Variants in SEMA5A observed in about 807,000 individuals in gnomAD.
SEMA5A encodes semaphorin-5A.
A neutral mutation model predicts 135.5 loss-of-function variants in SEMA5A; 55 were observed. That is an observed-to-expected ratio of 0.41 (90% CI 0.33 to 0.51). The LOEUF (loss-of-function observed/expected upper bound fraction) is 0.51, where lower values mean the gene tolerates loss of function less well. Among genes scored for constraint, SEMA5A ranks in the 20% least tolerant of loss-of-function variants. SEMA5A has a pLI of 0.37. For missense variants in SEMA5A, 1,290 were observed against 1,419.9 expected (o/e 0.91, Z 1.47); for synonymous variants, 580 against 546.5 (o/e 1.06, Z -0.85).
intron 11 of SEMA5A, among the ~76,000 whole-genome samples, chr5:9,177,758 AT>A (rs1361199821): frequency 6.6e-6 from 1 of 152,188 alleles, no homozygotes; most frequent in Non-Finnish European, 1.5e-5. Flanking sequence ...GGTTATGTGG[AT>A]TTTGACTTTG....
At chr5:9,141,033 C>T (rs576210739) in intron 12 of SEMA5A, among the ~76,000 whole-genome samples, 1 of 152,302 alleles carries the variant, frequency 6.6e-6, no homozygotes, top group South Asian at 2.1e-4. Context: ...TAACATTACA[C>T]TTATCCTTTA....
At chr5:9,088,967 G>A (rs76892149) in intron 16 of SEMA5A, among the ~76,000 whole-genome samples, 1 of 152,158 alleles carries the variant, frequency 6.6e-6, no homozygotes, top group East Asian at 1.9e-4. Flanking sequence ...CCATGCTTTT[G>A]CCAGAGCTGC....
intron 3 of SEMA5A, among the ~76,000 whole-genome samples, chr5:9,346,910 G>GTGTA: frequency 7.3e-6 from 1 of 137,144 alleles, no homozygotes; most frequent in African/African-American, 2.8e-5. Flanking sequence ...GTGTGTGTGT[G>GTGTA]TGTGTATATA....
chr5:9,132,455 C>T (rs1346329409), intron 13 of SEMA5A, among the ~76,000 whole-genome samples: 1 of 152,198 alleles, frequency 6.6e-6, no homozygotes, highest in Non-Finnish European at 1.5e-5. Flanking sequence ...CTTGCCCTCC[C>T]AACTTCTTCT....
In SEMA5A at chr5:9,410,505, G is replaced by C. The variant is rs1355378517; in HGVS notation, c.-78+27251C>G. The stretch of plus-strand genomic sequence containing the variant: ...AAGCATTCAGGCTACTCTTTTCACA[G>C]ATATAAATAAGTAAATACAACAATC... On this transcript the variant is annotated intron_variant, in intron 2 of 22. Transcript: ENST00000382496. 2.0e-5 allele frequency among the ~76,000 whole-genome samples: 3 copies of C among 152,114 alleles called. No individual in the cohort carries two copies. The East Asian group carries it at 5.8e-4, about 29-fold the overall frequency.
At chr5:9,069,075 C>T (rs1045134782) in intron 16 of SEMA5A, among the ~76,000 whole-genome samples, 9 of 152,162 alleles carry the variant, frequency 5.9e-5, no homozygotes, top group Admixed American at 4.6e-4. Flanking sequence ...GGGTTTTCAC[C>T]GGGGTCTGGT....
At chr5:9,499,404 G>A (rs138985437) in intron 1 of SEMA5A, among the ~76,000 whole-genome samples, 5 of 152,286 alleles carry the variant, frequency 3.3e-5, no homozygotes, top group Non-Finnish European at 7.4e-5. Context: ...GCTAATGAAT[G>A]CACTCCAAAA....
At chr5:9,242,772 A>T (rs10075485) in intron 5 of SEMA5A, among the ~76,000 whole-genome samples, 44,697 of 151,704 alleles carry the variant, frequency 0.29, 6,863 homozygotes, top group Middle Eastern at 0.39. Context: ...GGGAAAATAA[A>T]TTTTTTTTTA....
At chr5:9,521,031 T>C (rs763322493) in intron 1 of SEMA5A, among the ~76,000 whole-genome samples, 5 of 152,236 alleles carry the variant, frequency 3.3e-5, no homozygotes, top group Admixed American at 6.5e-5. Flanking sequence ...TGCAAGGCGT[T>C]AGCAATAGGG....
chr5:9,408,060 TACC>T (rs774512765), intron 2 of SEMA5A, among the ~76,000 whole-genome samples: 12 of 151,206 alleles, frequency 7.9e-5, no homozygotes, highest in Non-Finnish European at 1.3e-4. Context: ...CCATCACCAC[TACC>T]ACCACACCAC....
At chr5:9,095,968 G>C (rs933216127) in intron 16 of SEMA5A, among the ~76,000 whole-genome samples, 6 of 152,194 alleles carry the variant, frequency 3.9e-5, no homozygotes, top group African/African-American at 1.4e-4. Flanking sequence ...ATGCTACAGT[G>C]AACATGGGAA....
chr5:9,400,105 C>A (rs550692528), intron 2 of SEMA5A, among the ~76,000 whole-genome samples: 1 of 152,240 alleles, frequency 6.6e-6, no homozygotes, highest in East Asian at 1.9e-4. Context: ...GGGAGTTGAA[C>A]AATGAGAACA....
At chr5:9,183,635 T>C (rs1744647517) in intron 11 of SEMA5A, among the ~76,000 whole-genome samples, 1 of 152,242 alleles carries the variant, frequency 6.6e-6, no homozygotes. Context: ...ACCTGACCAA[T>C]GAGCGGTCCT....
chr5:9,407,138 A>G (rs1355837969), intron 2 of SEMA5A, among the ~76,000 whole-genome samples: 4 of 152,210 alleles, frequency 2.6e-5, no homozygotes, highest in South Asian at 2.1e-4. Flanking sequence ...AAATATTGAC[A>G]AATGTCCCCT....
At position 9,118,979 on chromosome 5, in the gene SEMA5A, C is replaced by T; in HGVS notation, c.1925+19G>A. 1.2e-6 allele frequency: 2 copies of T among 1,608,718 alleles called. No individual in the cohort carries two copies. Among genetic ancestry groups the T allele is most frequent in the Non-Finnish European group, 1.7e-6 (2 of 1,177,432 alleles). The stretch of plus-strand genomic sequence containing the variant: ...GTAAGCGTGAGGCTGGCGGTGCTGG[C>T]AGCAGGGTGGGCACGTACCTTTCCT... On this transcript the variant is annotated intron_variant, in intron 15 of 22. Coordinates refer to ENST00000382496, the MANE Select transcript of SEMA5A (RefSeq NM_003966.3).
At chr5:9,291,054 G>A (rs184849587) in intron 5 of SEMA5A, among the ~76,000 whole-genome samples, 5 of 152,240 alleles carry the variant, frequency 3.3e-5, no homozygotes, top group Admixed American at 2.6e-4. Flanking sequence ...CATTGCTGTG[G>A]TATAAACATT....
intron 12 of SEMA5A, 71 bp from the exon 13 acceptor site, chr5:9,136,692 A>T: frequency 8.1e-7 from 1 of 1,242,064 alleles, no homozygotes; most frequent in Non-Finnish European, 1.2e-6. Context: ...GACAAGGCGA[A>T]CCTGTCCCTT....
intron 16 of SEMA5A, among the ~76,000 whole-genome samples, chr5:9,086,007 A>G (rs1299251461): frequency 6.6e-6 from 1 of 152,132 alleles, no homozygotes; most frequent in Non-Finnish European, 1.5e-5. Flanking sequence ...GCCTTGCTGG[A>G]TTTTGGATTT....
rs536978640 is a variant in SEMA5A at position 9,403,966 on chromosome 5, G to A, written c.-77-23943C>T. Among the ~76,000 whole-genome samples the A allele has an allele frequency of 3.0e-4, 45 of 152,206 alleles. No homozygotes were observed. In the South Asian group the frequency reaches 8.1e-3, roughly 27 times the overall value. ...TGTTTGTTTTTTGAGATGAAGTCTC[G>A]CTCTGTTGCCCAGGCTGGAGTACAG... On this transcript the variant is annotated intron_variant, in intron 2 of 22. Coordinates refer to ENST00000382496, the MANE Select transcript of SEMA5A (RefSeq NM_003966.3).
Sources: allele counts gnomAD v4.1 joint callset (sites outside exome capture counted in the v4.1 genomes callset), GRCh38; gene constraint gnomAD v4.1.1; transcripts MANE v1.5; gene names NCBI Gene and HGNC (gene_info 2026-07-23, HGNC 2026-07-21).